XKR5: variants seen among roughly 807,000 people sequenced by gnomAD.
XKR5 encodes the protein XK related 5, also known as XK-related protein 5.
In XKR5, 46 loss-of-function variants were observed where a neutral mutation model predicts 40.8. The observed-to-expected ratio is 1.13, with a 90% CI of 0.89 to 1.44. The LOEUF is 1.44. Ranked by LOEUF, XKR5 falls within the 40% of genes most tolerant of loss-of-function variation. XKR5 has a pLI of 0.00. For synonymous variants in XKR5, 466 were observed against 356.1 expected, an observed-to-expected ratio of 1.31 and a Z score of -3.48; for missense variants, 1,169 against 844.7, an observed-to-expected ratio of 1.38 and a Z score of -4.76.
Position 6,811,815 on chromosome 8 carries a change from A to G in XKR5, c.1444T>C (p.Leu482=), listed in dbSNP as rs879198265. The change falls in exon 7 of 7, where the codon TTG becomes CTG. Residue 482 remains leucine (L), a synonymous_variant. Coordinates refer to ENST00000618742, the MANE Select transcript of XKR5 (RefSeq NM_207411.5). The part of the protein sequence containing the change: ...EGVPKAEADP[L]ETSSYVSFAS... ...AAAGATACGTAACTTGAGGTTTCCA[A>G]TGGGTCGGCCTCTGCTTTAGGGACA... 5 of 1,537,602 alleles carry G rather than the reference A, an allele frequency of 3.3e-6. No individual in the cohort carries two copies. Among genetic ancestry groups the G allele is most frequent in the Admixed American group, 2.0e-5 (1 of 50,998 alleles).
rs545578917 is a variant in XKR5 at position 6,826,453 on chromosome 8, T to C, written c.243-1104A>G. ...TGAAGGGAGTCCTAGGAATGGAAAG[T>C]AGGGAGCAGGTGCAGGAAATAGTGG... is the stretch of plus-strand genomic sequence containing the variant. On this transcript the variant is annotated intron_variant, in intron 2 of 6. Transcript: ENST00000618742. 4.6e-5 allele frequency among the ~76,000 whole-genome samples: 7 copies of C among 151,954 alleles called. No homozygotes were observed. In the South Asian group the frequency reaches 6.2e-4, roughly 14 times the overall value.
intron 5 of XKR5, among the ~76,000 whole-genome samples, chr8:6,819,687 G>A (rs1002144812): frequency 2.0e-5 from 3 of 152,196 alleles, no homozygotes; most frequent in African/African-American, 2.4e-5. Context: ...TTTCATGGTT[G>A]CAGCCCCACC....
At chr8:6,834,361 C>A (rs370585332) in intron 1 of XKR5, among the ~76,000 whole-genome samples, 1 of 152,250 alleles carries the variant, frequency 6.6e-6, no homozygotes, top group Non-Finnish European at 1.5e-5. Context: ...CCTTAGCGCC[C>A]AGGCTGGGTC....
rs1383671487 is a variant in XKR5 at position 6,810,042 on chromosome 8, G to A, written c.*1156C>T. The A allele has an allele frequency of 6.6e-6, 1 of 152,290 alleles. No individual in the cohort carries two copies. The highest frequency in any genetic ancestry group is 1.5e-5 in the Non-Finnish European group (1 of 68,116). 9.4% of individuals were successfully genotyped at this position (152,290 alleles called of 1,614,324 possible). A position where few individuals can be genotyped will look rare whatever the true frequency, so the allele number is the denominator to read the frequency against. On this transcript the variant is annotated 3_prime_UTR_variant, in exon 7 of 7. Coordinates refer to ENST00000618742, the MANE Select transcript of XKR5 (RefSeq NM_207411.5). ...GTGAGAGGATTGCTTAAGCCCTGGA[G>A]GTTGAGGCTGCAGTGAGCCATGATC...
chr8:6,821,807 CCA>C lies in XKR5; in HGVS notation c.807+60_807+61del, dbSNP rs922106945. 12 of 1,486,954 alleles carry C rather than the reference CCA, an allele frequency of 8.1e-6. No individual in the cohort carries two copies. In the Admixed American group the frequency reaches 1.4e-4, roughly 17 times the overall value. 92.1% of individuals were successfully genotyped at this position (1,486,954 alleles called of 1,614,324 possible). ...ACACACACACACCCCCCACACACAC[CCA>C]CACACACCCCACTTGCTGTATACAC... is the stretch of plus-strand genomic sequence containing the variant. On this transcript the variant is annotated intron_variant, in intron 5 of 6. Coordinates refer to ENST00000618742, the MANE Select transcript of XKR5 (RefSeq NM_207411.5).
In XKR5 at chr8:6,811,280, G is replaced by A. The variant is rs147328709; in HGVS notation, c.1979C>T (p.Thr660Met). The change falls in exon 7 of 7, where the codon ACG becomes ATG. Residue 660 changes from threonine (T) to methionine (M), a missense_variant. Physicochemically the swap from Thr to Met is moderately conservative, Grantham distance 81. Transcript: ENST00000618742. ...QLRTAHEPCL[T>M]STPKSESIQT... Reference sequence around the variant, plus strand: ...GATAGACTCAGACTTAGGGGTGGACGTGAGGCAGGGCTCATGGGCAGTCCT... The same window carrying A: ...GATAGACTCAGACTTAGGGGTGGACATGAGGCAGGGCTCATGGGCAGTCCT... 97 of 1,537,326 alleles carry A rather than the reference G, an allele frequency of 6.3e-5. No individual in the cohort carries two copies. The highest frequency in any genetic ancestry group is 7.5e-5 in the Non-Finnish European group (86 of 1,146,928).
intron 5 of XKR5, among the ~76,000 whole-genome samples, chr8:6,821,043 G>A (rs1261068370): frequency 3.9e-5 from 6 of 151,978 alleles, no homozygotes; most frequent in Non-Finnish European, 2.9e-5. Flanking sequence ...AATCTTCACA[G>A]GAACACTGAG....
chr8:6,816,047 G>A, intron 5 of XKR5, 129 bp from the exon 6 acceptor site: 1 of 655,096 alleles, frequency 1.5e-6, no homozygotes, highest in East Asian at 2.8e-5. Context: ...CCAGGCTGCT[G>A]AGGAGTACCC....
chr8:6,830,587 A>C (rs960358049), intron 2 of XKR5, among the ~76,000 whole-genome samples: 4 of 152,176 alleles, frequency 2.6e-5, no homozygotes, highest in African/African-American at 9.7e-5. Flanking sequence ...CTTGTTTTCT[A>C]ACATTTCATC....
intron 6 of XKR5, among the ~76,000 whole-genome samples, chr8:6,814,090 G>A (rs536075431): frequency 3.9e-5 from 6 of 152,296 alleles, no homozygotes; most frequent in African/African-American, 1.2e-4. Context: ...AATATGCCAG[G>A]AACACCCAGA....
chr8:6,828,398 A>G (rs745668512), intron 2 of XKR5, among the ~76,000 whole-genome samples: 6 of 152,208 alleles, frequency 3.9e-5, no homozygotes, highest in Non-Finnish European at 5.9e-5. Context: ...GTGCTTGGTA[A>G]GGCGGGGGCC....
In XKR5 at chr8:6,823,524, C is replaced by T. The variant is rs775839857; in HGVS notation, c.634G>A (p.Ala212Thr). ...KAYHFWVFVVAGAHWLVMTFW... is the reference protein window; with the variant it reads ...KAYHFWVFVVTGAHWLVMTFW... ...CCAGATCATTAGCTCAGCTCACCTG[C>T]AACCACAAAAACCCAAAAGTGGTAG... The change falls in exon 4 of 7, where the codon GCA (alanine) becomes ACA (threonine). Residue 212 changes from alanine to threonine, a missense_variant. Transcript: ENST00000618742. 5.1e-6 allele frequency: 8 copies of T among 1,583,876 alleles called. No individual in the cohort carries two copies. The highest frequency in any genetic ancestry group is 1.3e-5 in the African/African-American group (1 of 74,486).
intron 6 of XKR5, among the ~76,000 whole-genome samples, chr8:6,814,627 G>C (rs936252428): frequency 3.3e-5 from 5 of 152,184 alleles, no homozygotes; most frequent in African/African-American, 1.2e-4. Flanking sequence ...CTGGTAATGG[G>C]TACGGGGAGC....
intron 3 of XKR5, among the ~76,000 whole-genome samples, chr8:6,824,279 G>T (rs887535936): frequency 6.6e-6 from 1 of 151,746 alleles, no homozygotes; most frequent in Non-Finnish European, 1.5e-5. Flanking sequence ...CAAAGAGGAA[G>T]GGAGAGATGA....
intron 6 of XKR5, among the ~76,000 whole-genome samples, chr8:6,813,827 C>A (rs964922298): frequency 1.3e-5 from 2 of 152,182 alleles, no homozygotes; most frequent in Non-Finnish European, 2.9e-5. Flanking sequence ...TGGAGTGGAA[C>A]TGGAAGGAAA....
rs1443932485 is a variant in XKR5 at position 6,825,230 on chromosome 8, G to C, written c.362C>G (p.Thr121Ser). 6.2e-7 allele frequency: 1 copy of C among 1,612,940 alleles called. No individual in the cohort carries two copies. Residue 121 changes from threonine (T) to serine (S), a missense_variant, in exon 3 of 7, where the codon ACT becomes AGT. Physicochemically the swap from Thr to Ser is moderately conservative, Grantham distance 58 (BLOSUM62 1). Coordinates refer to ENST00000618742, the MANE Select transcript of XKR5 (RefSeq NM_207411.5). ...TGTCTGAAGCAGCAGGTGGGGCCCAGTCTGCAGCAGGGCCTCCAAGAGTCG... is the reference window on the plus strand; with the variant it reads ...TGTCTGAAGCAGCAGGTGGGGCCCACTCTGCAGCAGGGCCTCCAAGAGTCG... ...ALRLLEALLQ[T>S]GPHLLLQTYV...
chr8:6,834,156 C>T (rs545179647), intron 1 of XKR5, among the ~76,000 whole-genome samples: 6 of 152,224 alleles, frequency 3.9e-5, no homozygotes, highest in African/African-American at 1.4e-4. Context: ...TGAGGCTGAT[C>T]TTGGAGGCGG....
chr8:6,820,709 G>C (rs369447312), intron 5 of XKR5, among the ~76,000 whole-genome samples: 4 of 152,190 alleles, frequency 2.6e-5, no homozygotes, highest in African/African-American at 4.8e-5. Flanking sequence ...AGATGTGGAC[G>C]CTGAGGTTGG....
intron 6 of XKR5, among the ~76,000 whole-genome samples, chr8:6,812,943 A>T (rs1222181644): frequency 6.6e-6 from 1 of 152,236 alleles, no homozygotes; most frequent in East Asian, 1.9e-4. Context: ...ATTTATTTTG[A>T]TCAGAAGTGT....
Sources: allele counts gnomAD v4.1 joint callset (sites outside exome capture counted in the v4.1 genomes callset), GRCh38; gene constraint gnomAD v4.1.1; transcripts MANE v1.5; gene names NCBI Gene and HGNC (gene_info 2026-07-23, HGNC 2026-07-21).